SH3PXD2A: variants seen among roughly 807,000 people sequenced by gnomAD.
The protein encoded by SH3PXD2A is SH3 and PX domain-containing protein 2A.
In SH3PXD2A, 32 loss-of-function variants were observed where a neutral mutation model predicts 115.2. The observed-to-expected ratio is 0.28, with a 90% CI of 0.21 to 0.37. SH3PXD2A has a LOEUF of 0.37. Among genes scored for constraint, SH3PXD2A ranks in the 10% least tolerant of loss-of-function variants. The pLI is 1.00. For synonymous variants in SH3PXD2A, 610 were observed against 629.1 expected (o/e 0.97, Z 0.45); for missense variants, 1,328 against 1,498.7 (o/e 0.89, Z 1.88).
intron 1 of SH3PXD2A, among the ~76,000 whole-genome samples, chr10:103,813,690 G>A (rs2039294568): frequency 6.6e-6 from 1 of 152,086 alleles, no homozygotes; most frequent in African/African-American, 2.4e-5. Flanking sequence ...AAATAATTGA[G>A]TCCTCTTAGC....
At chr10:103,647,466 C>A (rs540303106) in intron 8 of SH3PXD2A, among the ~76,000 whole-genome samples, 28 of 152,294 alleles carry the variant, frequency 1.8e-4, no homozygotes, top group African/African-American at 6.5e-4. Context: ...GCTCCTCTCA[C>A]CTGGCACATG....
chr10:103,855,453 G>A lies in SH3PXD2A; in HGVS notation c.-187C>T, dbSNP rs867695302. ...GACGGGGGAGGGTCCCGGAGGGCGC[G>A]CGGGCTCCGTGCGCCCCGGGGGACT... On this transcript the variant is annotated 5_prime_UTR_variant, in exon 1 of 15. Transcript: ENST00000369774. 3.1e-3 allele frequency: 709 copies of A among 225,552 alleles called. 4 individuals carry two copies. The highest frequency in any genetic ancestry group is 7.0e-3 in the Middle Eastern group (5 of 712). 14.0% of individuals were successfully genotyped at this position (225,552 alleles called of 1,614,324 possible).
chr10:103,779,225 C>A (rs570463213), intron 2 of SH3PXD2A, among the ~76,000 whole-genome samples: 162 of 152,308 alleles, frequency 1.1e-3, no homozygotes, highest in Non-Finnish European at 1.9e-3. Context: ...CCTGCCACCA[C>A]GCCCAGCTAA....
rs1374364678 is a variant in SH3PXD2A, at chr10:103,601,816, C to T, written c.3402G>A (p.Ter1134=). The part of the protein sequence containing the change: ...VPSNYLEKKN[*] ...AGGCTGGAAGAGCCCAGGCCCTCTG[C>T]TAGTTCTTTTTCTCAAGGTAGTTGG... Residue 1134 remains the stop codon, a stop_retained_variant, in exon 15 of 15, where the codon TAG becomes TAA. Transcript: ENST00000369774. 3.8e-6 allele frequency: 6 copies of T among 1,594,006 alleles called. No homozygotes were observed. Among genetic ancestry groups the T allele is most frequent in the Non-Finnish European group, 5.1e-6 (6 of 1,169,746 alleles).
intron 3 of SH3PXD2A, among the ~76,000 whole-genome samples, chr10:103,740,695 T>C (rs888596786): frequency 6.6e-6 from 1 of 152,182 alleles, no homozygotes; most frequent in African/African-American, 2.4e-5. Flanking sequence ...CCTGGCAGCC[T>C]CTCCTCTTCA....
chr10:103,688,019 C>T (rs1592301996), intron 6 of SH3PXD2A, among the ~76,000 whole-genome samples: 1 of 152,180 alleles, frequency 6.6e-6, no homozygotes, highest in East Asian at 1.9e-4. Flanking sequence ...TAGCTCATCA[C>T]CCACAGCAGA....
In SH3PXD2A at chr10:103,756,218, A is replaced by C. The variant is rs2134211900; in HGVS notation, c.229+10876T>G. On this transcript the variant is annotated intron_variant, in intron 3 of 14. Coordinates refer to ENST00000369774, the MANE Select transcript of SH3PXD2A (RefSeq NM_001394015.1). The surrounding 1 kb of genome is among the most constrained non-coding windows in gnomAD (Gnocchi z 4.4). ...TGCCAGGCAGCCCTGGATGAATGATACATCAGTTCACACAGGTGATGCCTA... is the reference window on the plus strand; with the variant it reads ...TGCCAGGCAGCCCTGGATGAATGATCCATCAGTTCACACAGGTGATGCCTA... 6.6e-6 allele frequency among the ~76,000 whole-genome samples: 1 copy of C among 152,242 alleles called. No homozygotes were observed. Among genetic ancestry groups the C allele is most frequent in the Admixed American group, 6.5e-5 (1 of 15,294 alleles).
At chr10:103,840,138 T>C (rs2039583202) in intron 1 of SH3PXD2A, among the ~76,000 whole-genome samples, 2 of 152,250 alleles carry the variant, frequency 1.3e-5, no homozygotes, top group Admixed American at 6.5e-5. Flanking sequence ...GAGGAAGGAC[T>C]GGTTAGGACC....
intron 10 of SH3PXD2A, among the ~76,000 whole-genome samples, chr10:103,617,987 A>G (rs2036545402): frequency 2.0e-5 from 3 of 152,216 alleles, no homozygotes; most frequent in Admixed American, 2.0e-4. Context: ...CGATGGCCAA[A>G]TGAGCTTGGA....
chr10:103,777,591 T>A (rs1107300), intron 2 of SH3PXD2A, among the ~76,000 whole-genome samples: 1 of 152,088 alleles, frequency 6.6e-6, no homozygotes, highest in Admixed American at 6.5e-5. Flanking sequence ...AAAGATGTGC[T>A]GGAGGATGCA....
At position 103,611,577 on chromosome 10, in the gene SH3PXD2A, A is replaced by C; in HGVS notation, c.1308+4T>G. On this transcript the variant is annotated splice_donor_region_variant and intron_variant, in intron 13 of 14. Transcript: ENST00000369774. Reference sequence around the variant, plus strand: ...AAAGGGGAGAAGAAATTCAGTACACATACCAGGCTGGATTCTCTGCGTGGT... The same window carrying C: ...AAAGGGGAGAAGAAATTCAGTACACCTACCAGGCTGGATTCTCTGCGTGGT... 6.2e-7 allele frequency: 1 copy of C among 1,613,380 alleles called. No homozygotes were observed. The highest frequency in any genetic ancestry group is 8.5e-7 in the Non-Finnish European group (1 of 1,179,294).
intron 5 of SH3PXD2A, among the ~76,000 whole-genome samples, chr10:103,720,514 C>T (rs183729651): frequency 1.1e-4 from 16 of 152,342 alleles, no homozygotes; most frequent in East Asian, 5.8e-4. Context: ...AAAGGGAAGA[C>T]GGTCCCCCAC....
chr10:103,823,221 G>C (rs1253346167), intron 1 of SH3PXD2A, among the ~76,000 whole-genome samples: 1 of 152,202 alleles, frequency 6.6e-6, no homozygotes, highest in Non-Finnish European at 1.5e-5. Flanking sequence ...GGTAGCCTAG[G>C]TTTGCTGACA....
intron 3 of SH3PXD2A, among the ~76,000 whole-genome samples, chr10:103,759,357 A>T (rs914770990): frequency 2.0e-5 from 3 of 152,190 alleles, no homozygotes; most frequent in Non-Finnish European, 4.4e-5. Context: ...GCCTACCTTG[A>T]TTATGGTTAT....
intron 2 of SH3PXD2A, among the ~76,000 whole-genome samples, chr10:103,791,567 C>G (rs941814759): frequency 3.9e-5 from 6 of 152,140 alleles, no homozygotes; most frequent in African/African-American, 1.2e-4. Flanking sequence ...CGGTGATTCT[C>G]AGGGCCTGAG....
chr10:103,806,197 G>A (rs1431401743), intron 1 of SH3PXD2A, among the ~76,000 whole-genome samples: 1 of 152,094 alleles, frequency 6.6e-6, no homozygotes, highest in Non-Finnish European at 1.5e-5. Context: ...ATTTGCCAGA[G>A]GCCCCCCAGC....
At chr10:103,820,496 A>G (rs370166084) in intron 1 of SH3PXD2A, among the ~76,000 whole-genome samples, 123 of 152,222 alleles carry the variant, frequency 8.1e-4, no homozygotes, top group African/African-American at 2.9e-3. Context: ...GTGAGAGGAG[A>G]AACACACAGC....
rs545211216 is a variant in SH3PXD2A at position 103,783,881 on chromosome 10, G to A, written c.154-16712C>T. On this transcript the variant is annotated intron_variant, in intron 2 of 14. Transcript: ENST00000369774. ...CTTGTAAAGCAGCCCCCGCAGTGAG[G>A]CGAGCCGCCCGGGGCAGCCTGTGCT... Among the ~76,000 whole-genome samples, 74 of 152,356 alleles carry A rather than the reference G, an allele frequency of 4.9e-4. 2 individuals are homozygous for A. In the South Asian group the frequency reaches 0.014, roughly 29 times the overall value.
At chr10:103,635,000 G>A (rs537727882) in intron 8 of SH3PXD2A, among the ~76,000 whole-genome samples, 2 of 152,274 alleles carry the variant, frequency 1.3e-5, no homozygotes, top group Admixed American at 1.3e-4. Context: ...CAGCACCCAC[G>A]GGTGGCCAGG....
Sources: allele counts gnomAD v4.1 joint callset (sites outside exome capture counted in the v4.1 genomes callset), GRCh38; gene constraint gnomAD v4.1.1; non-coding constraint Gnocchi (gnomAD v3.1); transcripts MANE v1.5; gene names NCBI Gene and HGNC (gene_info 2026-07-23, HGNC 2026-07-21).